SEPTIN9: variants seen among roughly 807,000 people sequenced by gnomAD.
SEPTIN9 encodes septin-9.
Under a neutral mutation model 56.6 loss-of-function variants are expected in SEPTIN9, and 13 were observed. The ratio of observed to expected loss-of-function variants is 0.23; its 90% CI spans 0.15 to 0.37. SEPTIN9 has a LOEUF of 0.37. Among genes scored for constraint, SEPTIN9 ranks in the 10% least tolerant of loss-of-function variants. The pLI is 1.00. For synonymous variants in SEPTIN9, 332 were observed against 334.1 expected (o/e 0.99, Z 0.07); for missense variants, 650 against 823.1 (o/e 0.79, Z 2.57).
chr17:77,284,138 T>C (rs2031162636), intron 1 of SEPTIN9, among the ~76,000 whole-genome samples: 1 of 152,086 alleles, frequency 6.6e-6, no homozygotes, highest in Non-Finnish European at 1.5e-5. Context: ...CCCAGGAGGC[T>C]ACTCAGGAGG....
chr17:77,485,194 G>A (rs891043726), intron 4 of SEPTIN9, among the ~76,000 whole-genome samples: 1 of 150,704 alleles, frequency 6.6e-6, no homozygotes, highest in African/African-American at 2.4e-5. Flanking sequence ...TGTGGTGGTG[G>A]TGGTGATGGT....
At chr17:77,375,000 G>GC (rs1254754854) in intron 2 of SEPTIN9, 3 of 152,254 alleles carry the variant, frequency 2.0e-5, no homozygotes, top group Non-Finnish European at 4.4e-5. Context: ...AGAGGGAGGG[G>GC]AGGTCTGGGT....
rs376008276 is a variant in SEPTIN9, at chr17:77,490,774, G to A, written c.1295G>A (p.Arg432His). 2.0e-5 allele frequency: 31 copies of A among 1,588,046 alleles called. No homozygotes were observed. Among genetic ancestry groups the A allele is most frequent in the Admixed American group, 5.3e-5 (3 of 56,466 alleles). ...CCCCTGGACATCGAGTTTATGAAAC[G>A]CCTGAGCAAGGTGGTCAACATCGTC... ...LRPLDIEFMK[R>H]LSKVVNIVPV... is the part of the protein sequence containing the mutation. The change falls in exon 8 of 12, where the codon CGC becomes CAC. Residue 432 changes from arginine to histidine, a missense_variant. Coordinates refer to ENST00000427177, the MANE Select transcript of SEPTIN9 (RefSeq NM_001113491.2).
At chr17:77,321,864 C>T (rs980125569) in intron 2 of SEPTIN9, among the ~76,000 whole-genome samples, 3 of 152,232 alleles carry the variant, frequency 2.0e-5, no homozygotes, top group African/African-American at 2.4e-5. Flanking sequence ...GGCTCAGGCC[C>T]GCTGGGACGG....
At chr17:77,397,788 T>G (rs1392358466) in intron 2 of SEPTIN9, among the ~76,000 whole-genome samples, 3 of 152,178 alleles carry the variant, frequency 2.0e-5, no homozygotes, top group African/African-American at 4.8e-5. Flanking sequence ...TAGCTGGGAT[T>G]ACAGGCGCCC....
Position 77,397,567 on chromosome 17 carries a change from A to T in SEPTIN9, c.77-4492A>T, listed in dbSNP as rs77894113. On this transcript the variant is annotated intron_variant, in intron 2 of 11. Coordinates refer to ENST00000427177, the MANE Select transcript of SEPTIN9 (RefSeq NM_001113491.2). ...GAACCTCAGACGAAAGTGAATCTTCACAGGCTGAAATGGGGGTGAAGGTCT... is the reference window on the plus strand; with the variant it reads ...GAACCTCAGACGAAAGTGAATCTTCTCAGGCTGAAATGGGGGTGAAGGTCT... 6.3e-3 allele frequency among the ~76,000 whole-genome samples: 962 copies of T among 152,310 alleles called. 9 individuals carry two copies. Among genetic ancestry groups the T allele is most frequent in the African/African-American group, 0.022 (929 of 41,554 alleles).
chr17:77,447,210 G>A (rs56359527), intron 3 of SEPTIN9: 1,902 of 167,200 alleles, frequency 0.011, 13 homozygotes, highest in South Asian at 0.017. Flanking sequence ...GGAGGCCGGC[G>A]TGTGGAGTGC....
intron 3 of SEPTIN9, among the ~76,000 whole-genome samples, chr17:77,452,339 A>G (rs865941307): frequency 7.9e-5 from 12 of 152,308 alleles, no homozygotes; most frequent in African/African-American, 1.7e-4. Context: ...CAAAGCAGGG[A>G]GGGGCGAGGA....
chr17:77,466,397 TC>T, intron 3 of SEPTIN9: 1 of 985,460 alleles, frequency 1.0e-6, no homozygotes, highest in Non-Finnish European at 1.2e-6. Context: ...TTCCCGGAGT[TC>T]GGGCTGGAAG....
chr17:77,449,782 T>C lies in SEPTIN9; in HGVS notation c.722-32362T>C, dbSNP rs537325909. Reference sequence around the variant, plus strand: ...TTCTCACTCCCAGTGCTGGGGAAATTAGCTTCTTGGAGGAAGGGGGAGCTG... The same window carrying C: ...TTCTCACTCCCAGTGCTGGGGAAATCAGCTTCTTGGAGGAAGGGGGAGCTG... On this transcript the variant is annotated intron_variant, in intron 3 of 11. Transcript: ENST00000427177. The surrounding 1 kb of genome is among the most constrained non-coding windows in gnomAD (Gnocchi z 4.6). Among the ~76,000 whole-genome samples the C allele has an allele frequency of 5.3e-5, 8 of 152,188 alleles. No individual in the cohort carries two copies. The highest frequency in any genetic ancestry group is 8.8e-5 in the Non-Finnish European group (6 of 67,986).
At chr17:77,361,067 G>A (rs995716114) in intron 2 of SEPTIN9, among the ~76,000 whole-genome samples, 2 of 151,928 alleles carry the variant, frequency 1.3e-5, no homozygotes, top group Non-Finnish European at 2.9e-5. Flanking sequence ...GGGATTACAG[G>A]TGCCCACCAC....
intron 3 of SEPTIN9, among the ~76,000 whole-genome samples, chr17:77,415,095 T>A (rs2036450199): frequency 1.3e-5 from 2 of 151,976 alleles, no homozygotes; most frequent in Admixed American, 1.3e-4. Context: ...GTGAGTGTAT[T>A]CTTTTCAAAT....
chr17:77,373,730 C>G, intron 2 of SEPTIN9: 1 of 1,271,418 alleles, frequency 7.9e-7, no homozygotes, highest in Admixed American at 3.6e-5. Flanking sequence ...CGTGCCCGCG[C>G]CGCCTACGTG....
intron 2 of SEPTIN9, among the ~76,000 whole-genome samples, chr17:77,379,262 T>C (rs543121267): frequency 6.6e-6 from 1 of 151,798 alleles, no homozygotes; most frequent in Non-Finnish European, 1.5e-5. Flanking sequence ...GAGGGGGGAC[T>C]GGGTGCCTGG....
intron 2 of SEPTIN9, among the ~76,000 whole-genome samples, chr17:77,383,849 A>G (rs1428559389): frequency 6.6e-6 from 1 of 152,218 alleles, no homozygotes; most frequent in Non-Finnish European, 1.5e-5. Flanking sequence ...CCACACGGCA[A>G]TGTGGGGGAG....
At chr17:77,422,100 C>T (rs2036726622) in intron 3 of SEPTIN9, among the ~76,000 whole-genome samples, 1 of 152,176 alleles carries the variant, frequency 6.6e-6, no homozygotes, top group Non-Finnish European at 1.5e-5. Context: ...TTAAATGATC[C>T]TCCTGCCTTG....
At chr17:77,314,490 G>C (rs142026652) in intron 2 of SEPTIN9, among the ~76,000 whole-genome samples, 1 of 151,838 alleles carries the variant, frequency 6.6e-6, no homozygotes, top group Admixed American at 6.6e-5. Flanking sequence ...AGCAGGAAAA[G>C]TCACTTTTTA....
chr17:77,340,938 C>T (rs1259699578), intron 2 of SEPTIN9, among the ~76,000 whole-genome samples: 1 of 152,240 alleles, frequency 6.6e-6, no homozygotes, highest in East Asian at 1.9e-4. Flanking sequence ...TTCTCTTAGC[C>T]TTCATACCAT....
intron 3 of SEPTIN9, among the ~76,000 whole-genome samples, chr17:77,428,114 G>T (rs908782408): frequency 2.0e-5 from 3 of 152,190 alleles, no homozygotes; most frequent in Non-Finnish European, 4.4e-5. Flanking sequence ...AGGCTGAGTC[G>T]CTGGCCCATA....
Sources: allele counts gnomAD v4.1 joint callset (sites outside exome capture counted in the v4.1 genomes callset), GRCh38; gene constraint gnomAD v4.1.1; non-coding constraint Gnocchi (gnomAD v3.1); transcripts MANE v1.5; gene names NCBI Gene and HGNC (gene_info 2026-07-23, HGNC 2026-07-21).